Variants in CNTN4 observed in about 807,000 individuals in gnomAD.
CNTN4 encodes contactin-4.
A neutral mutation model predicts 122.5 loss-of-function variants in CNTN4; 77 were observed. The ratio of observed to expected loss-of-function variants is 0.63; its 90% CI spans 0.52 to 0.76. CNTN4 has a LOEUF of 0.76. Ranked by LOEUF, CNTN4 falls within the 30% of genes least tolerant of loss-of-function variation. CNTN4 has a pLI of 0.00. For missense variants in CNTN4, 1,256 were observed against 1,259.1 expected, an observed-to-expected ratio of 1.00 and a Z score of 0.04; for synonymous variants, 512 against 447.0, an observed-to-expected ratio of 1.15 and a Z score of -1.83.
chr3:2,673,098 T>C (rs1030287675), intron 4 of CNTN4, among the ~76,000 whole-genome samples: 1 of 152,168 alleles, frequency 6.6e-6, no homozygotes, highest in Non-Finnish European at 1.5e-5. Flanking sequence ...GTCAATACAA[T>C]ATACAGGGCA....
At chr3:2,206,191 C>T (rs1408883026) in intron 2 of CNTN4, among the ~76,000 whole-genome samples, 3 of 152,030 alleles carry the variant, frequency 2.0e-5, no homozygotes, top group Non-Finnish European at 2.9e-5. Context: ...AGAAGTAATA[C>T]CTCACTGCAA....
intron 4 of CNTN4, among the ~76,000 whole-genome samples, chr3:2,707,364 T>G (rs1357038590): frequency 6.6e-6 from 1 of 151,790 alleles, no homozygotes; most frequent in African/African-American, 2.4e-5. Context: ...AATATCCTTG[T>G]GGTTTGTTTT....
chr3:2,215,914 C>T (rs980575080), intron 2 of CNTN4, among the ~76,000 whole-genome samples: 5 of 137,066 alleles, frequency 3.6e-5, no homozygotes, highest in African/African-American at 1.1e-4. Flanking sequence ...AAAAGAGTTC[C>T]CTTAAACTTC....
chr3:2,359,330 A>G (rs2045015805), intron 3 of CNTN4, among the ~76,000 whole-genome samples: 2 of 152,162 alleles, frequency 1.3e-5, no homozygotes, highest in South Asian at 4.1e-4. Context: ...CATACATTAT[A>G]TATATAGTGT....
At chr3:2,333,427 C>G (rs1253713853) in intron 2 of CNTN4, among the ~76,000 whole-genome samples, 3 of 152,222 alleles carry the variant, frequency 2.0e-5, no homozygotes, top group Admixed American at 6.5e-5. Flanking sequence ...TACACATTTT[C>G]CCTAAGGTAA....
chr3:2,614,773 C>G (rs2081642895), intron 4 of CNTN4, among the ~76,000 whole-genome samples: 1 of 151,922 alleles, frequency 6.6e-6, no homozygotes, highest in African/African-American at 2.4e-5. Context: ...GTAGAGATGC[C>G]AGATAAACAG....
At chr3:2,358,797 T>G (rs2044985846) in intron 3 of CNTN4, among the ~76,000 whole-genome samples, 1 of 152,204 alleles carries the variant, frequency 6.6e-6, no homozygotes, top group African/African-American at 2.4e-5. Flanking sequence ...TTTGTAGAAA[T>G]TATTTTTTAT....
intron 2 of CNTN4, among the ~76,000 whole-genome samples, chr3:2,215,951 G>C (rs112239317): frequency 0.017 from 2,453 of 143,458 alleles, 64 homozygotes; most frequent in African/African-American, 0.059. Flanking sequence ...GTGTAAATTA[G>C]TTCAACCATT....
At position 2,709,836 on chromosome 3, in the gene CNTN4, C is replaced by T. The variant is rs1483559034; in HGVS notation, c.56-26379C>T. Among the ~76,000 whole-genome samples, 1 of 152,004 alleles carries T rather than the reference C, an allele frequency of 6.6e-6. No homozygotes were observed. Among genetic ancestry groups the T allele is most frequent in the Non-Finnish European group, 1.5e-5 (1 of 67,998 alleles). On this transcript the variant is annotated intron_variant, in intron 4 of 24. Transcript: ENST00000418658. The surrounding 1 kb of genome is among the most constrained non-coding windows in gnomAD (Gnocchi z 5.0). Reference sequence around the variant, plus strand: ...GGCTGAGCCAGGAGAGCCCGGGAGTCCAGCAGTGAGCTGAGACTGCGCCAC... The same window carrying T: ...GGCTGAGCCAGGAGAGCCCGGGAGTTCAGCAGTGAGCTGAGACTGCGCCAC...
intron 3 of CNTN4, among the ~76,000 whole-genome samples, chr3:2,395,640 G>A (rs554463114): frequency 2.5e-4 from 38 of 152,084 alleles, no homozygotes; most frequent in Middle Eastern, 3.4e-3. Flanking sequence ...CATTGTTCCC[G>A]TCTTTATGTC....
intron 2 of CNTN4, among the ~76,000 whole-genome samples, chr3:2,234,211 T>C (rs1041706267): frequency 1.3e-5 from 2 of 151,730 alleles, no homozygotes; most frequent in Non-Finnish European, 2.9e-5. Flanking sequence ...AAACCCCGTC[T>C]CTACTAAAAA....
At chr3:2,591,575 A>G (rs2600300) in intron 4 of CNTN4, among the ~76,000 whole-genome samples, 89,935 of 91,736 alleles carry the variant, frequency 0.98, 44,214 homozygotes, top group Middle Eastern at 1. Context: ...CGTTTTAGCC[A>G]GGATGGTCTC....
intron 2 of CNTN4, among the ~76,000 whole-genome samples, chr3:2,131,524 T>C (rs1221278736): frequency 1.3e-5 from 2 of 152,170 alleles, no homozygotes; most frequent in Non-Finnish European, 2.9e-5. Flanking sequence ...ATACTTGAGC[T>C]TGTGTTGCTG....
intron 3 of CNTN4, among the ~76,000 whole-genome samples, chr3:2,568,119 C>A (rs958049055): frequency 6.6e-6 from 1 of 152,020 alleles, no homozygotes. Context: ...ATACCAGCAA[C>A]ATTTTAATTC....
chr3:3,031,668 A>G (rs1450786390), intron 16 of CNTN4, among the ~76,000 whole-genome samples: 12 of 152,214 alleles, frequency 7.9e-5, no homozygotes, highest in Admixed American at 7.9e-4. Flanking sequence ...TGGACTTTTA[A>G]GAAATATTTT....
Position 2,824,674 on chromosome 3 carries a change from T to C in CNTN4, c.454+5093T>C, listed in dbSNP as rs115931634. On this transcript the variant is annotated intron_variant, in intron 7 of 24. Coordinates refer to ENST00000418658, the MANE Select transcript of CNTN4 (RefSeq NM_175607.3). ...TTAAAATAATTCATCTATTTACTTA[T>C]TTTTTGAAATGGAGTCTCACTCTGT... Among the ~76,000 whole-genome samples, 1,323 of 152,274 alleles carry C rather than the reference T, an allele frequency of 8.7e-3. 26 individuals are homozygous for C. Among genetic ancestry groups the C allele is most frequent in the African/African-American group, 0.03 (1,248 of 41,550 alleles).
At chr3:2,329,473 C>A (rs778620419) in intron 2 of CNTN4, among the ~76,000 whole-genome samples, 1 of 152,198 alleles carries the variant, frequency 6.6e-6, no homozygotes, top group Non-Finnish European at 1.5e-5. Context: ...ATGCTTTACA[C>A]CTTACATTTT....
chr3:2,842,781 G>T (rs918595786), intron 7 of CNTN4, among the ~76,000 whole-genome samples: 4 of 152,108 alleles, frequency 2.6e-5, no homozygotes, highest in Non-Finnish European at 5.9e-5. Flanking sequence ...CTTGCTTCTT[G>T]TGGCTTTTGG....
At chr3:2,217,420 CT>C (rs1300574263) in intron 2 of CNTN4, among the ~76,000 whole-genome samples, 1 of 152,178 alleles carries the variant, frequency 6.6e-6, no homozygotes, top group Non-Finnish European at 1.5e-5. Flanking sequence ...AGATTTATTG[CT>C]GTCACCTCCA....
Sources: allele counts gnomAD v4.1 joint callset (sites outside exome capture counted in the v4.1 genomes callset), GRCh38; gene constraint gnomAD v4.1.1; non-coding constraint Gnocchi (gnomAD v3.1); transcripts MANE v1.5; gene names NCBI Gene and HGNC (gene_info 2026-07-23, HGNC 2026-07-21).